Variants in ATG10 observed in about 807,000 individuals in gnomAD.
The protein encoded by ATG10 is ubiquitin-like-conjugating enzyme ATG10.
A neutral mutation model predicts 32.1 loss-of-function variants in ATG10; 30 were observed. The observed-to-expected ratio is 0.94, with a 90% CI of 0.70 to 1.27. The LOEUF (loss-of-function observed/expected upper bound fraction) is 1.27. Ranked by LOEUF, ATG10 falls within the 50% of genes most tolerant of loss-of-function variation. ATG10 has a pLI of 0.00. For synonymous variants in ATG10, 87 were observed against 91.5 expected, an observed-to-expected ratio of 0.95 and a Z score of 0.28; for missense variants, 233 against 262.3, an observed-to-expected ratio of 0.89 and a Z score of 0.77.
At chr5:82,099,132 A>T (rs1467562950) in intron 3 of ATG10, among the ~76,000 whole-genome samples, 1 of 152,188 alleles carries the variant, frequency 6.6e-6, no homozygotes, top group African/African-American at 2.4e-5. Context: ...ATTCATTGTA[A>T]AAGATACTAG....
chr5:82,014,711 G>A (rs545975602), intron 2 of ATG10, among the ~76,000 whole-genome samples: 2 of 152,146 alleles, frequency 1.3e-5, no homozygotes, highest in South Asian at 2.1e-4. Context: ...TTTATTTTGA[G>A]CCTATGTGTG....
chr5:82,009,490 C>T (rs577505031), intron 2 of ATG10: 27 of 876,450 alleles, frequency 3.1e-5, no homozygotes, highest in African/African-American at 1.8e-4. Flanking sequence ...GGAACTGCAG[C>T]GAGAGCACAA....
chr5:82,231,829 C>T (rs1267534831), intron 5 of ATG10, among the ~76,000 whole-genome samples: 1 of 152,286 alleles, frequency 6.6e-6, no homozygotes, highest in South Asian at 2.1e-4. Context: ...AGGAAAAAAA[C>T]TGTCAGGAGC....
chr5:81,981,290 A>G (rs1356799623), intron 1 of ATG10, among the ~76,000 whole-genome samples: 1 of 152,194 alleles, frequency 6.6e-6, no homozygotes, highest in East Asian at 1.9e-4. Context: ...AATTAAAAGT[A>G]ATTATTTTGG....
chr5:82,046,794 C>T (rs1027876033), intron 2 of ATG10, among the ~76,000 whole-genome samples: 1 of 152,090 alleles, frequency 6.6e-6, no homozygotes, highest in Non-Finnish European at 1.5e-5. Context: ...ATTTTTCTAC[C>T]ATCAGTACTA....
intron 2 of ATG10, among the ~76,000 whole-genome samples, chr5:82,047,335 T>C (rs1339369309): frequency 6.6e-6 from 1 of 152,038 alleles, no homozygotes; most frequent in East Asian, 1.9e-4. Flanking sequence ...CAAACTATTA[T>C]TAAAAAATGA....
chr5:82,241,374 T>A (rs1042802655), intron 5 of ATG10, among the ~76,000 whole-genome samples: 1 of 152,218 alleles, frequency 6.6e-6, no homozygotes, highest in African/African-American at 2.4e-5. Flanking sequence ...GGTAACATTT[T>A]AAAATGTAAA....
At chr5:82,196,795 A>G (rs1322451848) in intron 5 of ATG10, among the ~76,000 whole-genome samples, 2 of 152,170 alleles carry the variant, frequency 1.3e-5, no homozygotes, top group African/African-American at 4.8e-5. Context: ...CTGTGGCTTT[A>G]TAACAGTCAT....
At chr5:82,136,206 G>T (rs1418315496) in intron 3 of ATG10, among the ~76,000 whole-genome samples, 1 of 151,960 alleles carries the variant, frequency 6.6e-6, no homozygotes, top group African/African-American at 2.4e-5. Context: ...TTTTAATTGG[G>T]GGCATTTAGC....
chr5:82,158,116 AGCTT>A (rs2149891233), intron 3 of ATG10, among the ~76,000 whole-genome samples: 1 of 152,300 alleles, frequency 6.6e-6, no homozygotes, highest in East Asian at 1.9e-4. Flanking sequence ...TTAGTTGTAA[AGCTT>A]AATTCGTATC....
At chr5:81,983,715 T>C (rs1427255623) in intron 1 of ATG10, among the ~76,000 whole-genome samples, 2 of 142,942 alleles carry the variant, frequency 1.4e-5, no homozygotes, top group Non-Finnish European at 3.1e-5. Context: ...ATGGGGTGGC[T>C]GCCGGGCGTA....
At chr5:82,036,845 A>G (rs1000078695) in intron 2 of ATG10, among the ~76,000 whole-genome samples, 3 of 151,932 alleles carry the variant, frequency 2.0e-5, no homozygotes, top group African/African-American at 4.8e-5. Context: ...TAATTTTTCA[A>G]TTGAAGGCCA....
chr5:82,213,579 T>C (rs1460432505), intron 5 of ATG10, among the ~76,000 whole-genome samples: 3 of 152,204 alleles, frequency 2.0e-5, no homozygotes, highest in African/African-American at 7.2e-5. Flanking sequence ...CACCTTATAA[T>C]GAGAATATTA....
At chr5:82,053,823 A>T (rs1279824167) in intron 2 of ATG10, among the ~76,000 whole-genome samples, 1 of 152,182 alleles carries the variant, frequency 6.6e-6, no homozygotes, top group African/African-American at 2.4e-5. Flanking sequence ...AAGTTACAAG[A>T]CTACTGGCAG....
intron 4 of ATG10, among the ~76,000 whole-genome samples, chr5:82,174,817 C>CA (rs1422470386): frequency 6.6e-6 from 1 of 152,170 alleles, no homozygotes; most frequent in Non-Finnish European, 1.5e-5. Context: ...AGCATGCCAC[C>CA]AGCAGGGGGT....
chr5:82,227,614 G>T (rs907224396), intron 5 of ATG10, among the ~76,000 whole-genome samples: 1 of 152,106 alleles, frequency 6.6e-6, no homozygotes, highest in African/African-American at 2.4e-5. Flanking sequence ...AACCTCAGGT[G>T]ATCCGCCTGC....
rs556829576 is a variant in ATG10, at chr5:82,037,799, A to G, written c.109-20696A>G. Among the ~76,000 whole-genome samples, 4 of 152,298 alleles carry G rather than the reference A, an allele frequency of 2.6e-5. No individual in the cohort carries two copies. In the East Asian group the frequency reaches 7.7e-4, roughly 29 times the overall value. The stretch of plus-strand genomic sequence containing the variant: ...TTATATGGACTTTTTCTTTTAATTC[A>G]TTAATGTAGTGATTACATTGACAGA... On this transcript the variant is annotated intron_variant, in intron 2 of 7. Coordinates refer to ENST00000282185, the MANE Select transcript of ATG10 (RefSeq NM_031482.5).
chr5:82,178,467 G>A (rs781544339), intron 4 of ATG10, 23 bp from the exon 5 acceptor site: 1 of 1,429,868 alleles, frequency 7.0e-7, no homozygotes, highest in South Asian at 1.1e-5. Context: ...TACTAACTCA[G>A]TCTTTACCAT....
intron 3 of ATG10, among the ~76,000 whole-genome samples, chr5:82,144,917 CTA>C (rs1198407195): frequency 1.3e-5 from 2 of 151,930 alleles, no homozygotes; most frequent in African/African-American, 2.4e-5. Context: ...GTGGACTTGT[CTA>C]TTTCTTCTTT....
Sources: allele counts gnomAD v4.1 joint callset (sites outside exome capture counted in the v4.1 genomes callset), GRCh38; gene constraint gnomAD v4.1.1; transcripts MANE v1.5; gene names NCBI Gene and HGNC (gene_info 2026-07-23, HGNC 2026-07-21).